The following BDNF variants were observed in gnomAD, a reference collection of about 807,000 sequenced individuals.
BDNF encodes neurotrophic factor BDNF precursor form.
In BDNF, 1 loss-of-function variant was observed where a neutral mutation model predicts 19.5. The ratio of observed to expected loss-of-function variants is 0.05; its 90% CI spans 0.02 to 0.24. The LOEUF (loss-of-function observed/expected upper bound fraction) is 0.24. Among genes scored for constraint, BDNF ranks in the 10% least tolerant of loss-of-function variants. The pLI, the probability that BDNF is intolerant of heterozygous loss-of-function variation, is 1.00. For synonymous variants in BDNF, 100 were observed against 121.6 expected (o/e 0.82, Z 1.17); for missense variants, 195 against 317.6 (o/e 0.61, Z 2.93).
At chr11:27,720,712 C>A in intron 1 of BDNF, 1 of 985,894 alleles carries the variant, frequency 1.0e-6, no homozygotes, top group African/African-American at 1.7e-5. Flanking sequence ...TCCTATCGCC[C>A]GGATTACACA....
intron 1 of BDNF, among the ~76,000 whole-genome samples, chr11:27,688,682 C>A (rs185469605): frequency 6.6e-6 from 1 of 152,170 alleles, no homozygotes; most frequent in Non-Finnish European, 1.5e-5. Flanking sequence ...TGACCCCTTG[C>A]GCTTCCTGAG....
At chr11:27,700,025 A>G in intron 1 of BDNF, 139 bp downstream of exon 1, 1 of 846,114 alleles carries the variant, frequency 1.2e-6, no homozygotes, top group Non-Finnish European at 1.4e-6. Flanking sequence ...GAGTAACTCC[A>G]AATCGTCCCT....
At chr11:27,714,585 A>C (rs1019067657) in intron 1 of BDNF, among the ~76,000 whole-genome samples, 20 of 152,144 alleles carry the variant, frequency 1.3e-4, no homozygotes, top group African/African-American at 4.8e-4. Flanking sequence ...CAACACCTAG[A>C]TTCCTTCTAT....
rs1002952071 is a variant in BDNF, at chr11:27,700,082, TTGGGG to T, written c.-22+77_-22+81del. 17 of 974,878 alleles carry T rather than the reference TTGGGG, an allele frequency of 1.7e-5. No homozygotes were observed. The African/African-American group carries it at 2.6e-4, about 15-fold the overall frequency. The allele number at this position is 974,878 out of a possible 1,614,324, so 60.4% of individuals were successfully genotyped here. The stretch of plus-strand genomic sequence containing the variant: ...AGGAGACTGGCCTCGTCCCACAACT[TTGGGG>T]TGGGGGATCCCCCAGTCAACTCTCT... On this transcript the variant is annotated intron_variant, in intron 1 of 1. Coordinates refer to ENST00000356660, the MANE Select transcript of BDNF (RefSeq NM_001709.5).
intron 1 of BDNF, among the ~76,000 whole-genome samples, chr11:27,690,090 C>T (rs1858038504): frequency 2.0e-5 from 3 of 152,156 alleles, no homozygotes; most frequent in African/African-American, 4.8e-5. Flanking sequence ...GTATTAATGA[C>T]ACCACATTTT....
At chr11:27,675,314 A>G (rs1292416499) in intron 1 of BDNF, 1 of 152,228 alleles carries the variant, frequency 6.6e-6, no homozygotes, top group Non-Finnish European at 1.5e-5. Context: ...TTATTACCAC[A>G]AGGTACCAAC....
At chr11:27,721,481 T>TGCAG in exon 1 of BDNF, 6 of 1,576,546 alleles carry the variant, frequency 3.8e-6, no homozygotes, top group Non-Finnish European at 5.2e-6. Flanking sequence ...TGCTGGAAGG[T>TGCAG]AATGTGTCTT....
Position 27,685,327 on chromosome 11 carries a change from T to C in BDNF, c.-22+14837A>G, listed in dbSNP as rs1383533916. Among the ~76,000 whole-genome samples the C allele has an allele frequency of 2.0e-5, 3 of 152,212 alleles. No individual in the cohort carries two copies. In the East Asian group the frequency reaches 5.8e-4, roughly 29 times the overall value. On this transcript the variant is annotated intron_variant, in intron 1 of 1. Transcript: ENST00000356660. ...TCTGGCTAGCATTCTATCTATTTTG[T>C]TAATCTTTTCAAAAAACCAGCTTCT... is the stretch of plus-strand genomic sequence containing the variant.
chr11:27,680,254 G>T (rs2133953383), intron 1 of BDNF, among the ~76,000 whole-genome samples: 1 of 152,320 alleles, frequency 6.6e-6, no homozygotes, highest in Non-Finnish European at 1.5e-5. Flanking sequence ...TAACTAACAT[G>T]CACAAAGGGC....
intron 1 of BDNF, among the ~76,000 whole-genome samples, chr11:27,667,103 G>A (rs1854484685): frequency 6.6e-6 from 1 of 152,074 alleles, no homozygotes; most frequent in Non-Finnish European, 1.5e-5. Flanking sequence ...AGAGAGTGGG[G>A]GCCAATATTC....
chr11:27,681,930 G>A (rs1856875867), intron 1 of BDNF, among the ~76,000 whole-genome samples: 1 of 152,104 alleles, frequency 6.6e-6, no homozygotes, highest in South Asian at 2.1e-4. Context: ...GTTAGGCCTG[G>A]AGTCAAACTC....
chr11:27,694,267 T>A (rs1179753574), intron 1 of BDNF, among the ~76,000 whole-genome samples: 1 of 152,204 alleles, frequency 6.6e-6, no homozygotes, highest in Non-Finnish European at 1.5e-5. Flanking sequence ...AAATTACACA[T>A]AAGAAATTAT....
intron 1 of BDNF, chr11:27,720,906 C>T: frequency 2.4e-6 from 1 of 425,342 alleles, no homozygotes; most frequent in Non-Finnish European, 3.2e-6. Flanking sequence ...TTACCCATTA[C>T]CGGTGATATG....
upstream of BDNF, among the ~76,000 whole-genome samples, chr11:27,703,772 A>G (rs1229974709): frequency 6.6e-6 from 1 of 152,216 alleles, no homozygotes; most frequent in East Asian, 1.9e-4. Flanking sequence ...AATTCAGATA[A>G]CCATGATGAA....
upstream of BDNF, among the ~76,000 whole-genome samples, chr11:27,702,489 T>C (rs951338529): frequency 3.3e-5 from 5 of 152,214 alleles, no homozygotes; most frequent in Non-Finnish European, 4.4e-5. Flanking sequence ...TGTGTGCGTT[T>C]TTCTGTAATC....
In BDNF at chr11:27,657,440, A is replaced by T; in HGVS notation, c.*381T>A. 9.7e-7 allele frequency: 1 copy of T among 1,034,884 alleles called. No individual in the cohort carries two copies. Among genetic ancestry groups the T allele is most frequent in the Non-Finnish European group, 1.2e-6 (1 of 862,646 alleles). 64.1% of individuals were successfully genotyped at this position (1,034,884 alleles called of 1,614,324 possible). ...AAATGTAAACGGAATGTTTTGGTTC[A>T]AATTTTTGTTGTGTGTGTGTGTGTT... On this transcript the variant is annotated 3_prime_UTR_variant, in exon 2 of 2. Transcript: ENST00000356660. This position sits in a 1 kb window ranked among gnomAD's most constrained non-coding sequence, Gnocchi z 5.0.
At chr11:27,676,603 C>A (rs1856148715) in intron 1 of BDNF, among the ~76,000 whole-genome samples, 1 of 152,138 alleles carries the variant, frequency 6.6e-6, no homozygotes, top group Admixed American at 6.5e-5. Context: ...AACCACTTGG[C>A]AACTTTAAGG....
At chr11:27,683,230 C>T (rs940500303) in intron 1 of BDNF, among the ~76,000 whole-genome samples, 23 of 152,074 alleles carry the variant, frequency 1.5e-4, no homozygotes, top group African/African-American at 5.6e-4. Flanking sequence ...TCTGTTCATA[C>T]CCTTCGCCCA....
At chr11:27,720,258 C>T in intron 1 of BDNF, 1 of 911,236 alleles carries the variant, frequency 1.1e-6, no homozygotes, top group Non-Finnish European at 1.3e-6. Context: ...CCTCTACCTC[C>T]TCCCCTCCAC....
Sources: gnomAD v4.1 joint callset for allele counts (sites outside exome capture counted in the v4.1 genomes callset) on GRCh38, gnomAD v4.1.1 for gene constraint, Gnocchi (gnomAD v3.1) non-coding constraint, MANE v1.5 for transcripts, NCBI Gene and HGNC (gene_info 2026-07-23, HGNC 2026-07-21) for gene names.